Variants in FAT3 observed in about 807,000 individuals in gnomAD.
FAT3 encodes protocadherin Fat 3.
In FAT3, 95 loss-of-function variants were observed where a neutral mutation model predicts 310.2. The ratio of observed to expected loss-of-function variants is 0.31; its 90% CI spans 0.26 to 0.36. The LOEUF (loss-of-function observed/expected upper bound fraction) is 0.36, where lower values mean the gene tolerates loss of function less well. Among genes scored for constraint, FAT3 ranks in the 10% least tolerant of loss-of-function variants. The probability of loss-of-function intolerance (pLI) is 1.00; values close to 1 mark genes in which losing one functional copy is unlikely to be tolerated. For missense variants in FAT3, 5,408 were observed against 5,715.6 expected (o/e 0.95, Z 1.74); for synonymous variants, 2,314 against 2,192.9 (o/e 1.06, Z -1.54).
chr11:92,323,098 C>T (rs971491808), intron 1 of FAT3, among the ~76,000 whole-genome samples: 5 of 152,072 alleles, frequency 3.3e-5, no homozygotes, highest in African/African-American at 1.2e-4. Flanking sequence ...CCATGGGCTG[C>T]ATAGTGGATG....
At chr11:92,717,170 T>G (rs147713307) in intron 4 of FAT3, among the ~76,000 whole-genome samples, 61 of 152,338 alleles carry the variant, frequency 4.0e-4, no homozygotes, top group Non-Finnish European at 6.3e-4. Flanking sequence ...AGTTTCCTTC[T>G]TCACGTCAAA....
At chr11:92,716,802 G>A (rs1458892374) in intron 4 of FAT3, among the ~76,000 whole-genome samples, 3 of 152,158 alleles carry the variant, frequency 2.0e-5, no homozygotes, top group African/African-American at 4.8e-5. Flanking sequence ...GGAAAAGGAG[G>A]GAGGTTTCCC....
At chr11:92,672,186 T>C (rs1013674599) in intron 3 of FAT3, among the ~76,000 whole-genome samples, 37 of 152,202 alleles carry the variant, frequency 2.4e-4, no homozygotes, top group African/African-American at 7.7e-4. Flanking sequence ...GTTTAACTGC[T>C]AACCAAACAG....
At chr11:92,849,861 A>T (rs1282308705) in intron 19 of FAT3, among the ~76,000 whole-genome samples, 1 of 152,150 alleles carries the variant, frequency 6.6e-6, no homozygotes, top group Non-Finnish European at 1.5e-5. Flanking sequence ...CCCCATTCCC[A>T]TGGAGCATGA....
intron 22 of FAT3, among the ~76,000 whole-genome samples, chr11:92,872,482 G>A (rs181067040): frequency 1.3e-4 from 20 of 152,154 alleles, no homozygotes; most frequent in African/African-American, 3.9e-4. Context: ...TTCAGCTTAT[G>A]GAAAAAAATT....
At chr11:92,498,425 G>C in intron 2 of FAT3, 1 of 192,240 alleles carries the variant, frequency 5.2e-6, no homozygotes, top group Non-Finnish European at 1.1e-5. Context: ...CTCAGGTCAT[G>C]ACTTCCTTCA....
chr11:92,674,718 G>A (rs958716282), intron 3 of FAT3, among the ~76,000 whole-genome samples: 1 of 151,762 alleles, frequency 6.6e-6, no homozygotes, highest in Non-Finnish European at 1.5e-5. Flanking sequence ...GTGTGGAGAC[G>A]GGGTCTCGCT....
intron 3 of FAT3, among the ~76,000 whole-genome samples, chr11:92,573,750 A>C (rs1938313786): frequency 6.6e-6 from 1 of 152,026 alleles, no homozygotes; most frequent in Non-Finnish European, 1.5e-5. Flanking sequence ...GGTAGGAGAG[A>C]GTCATGGGAC....
intron 1 of FAT3, among the ~76,000 whole-genome samples, chr11:92,231,097 C>G (rs2134228331): frequency 6.6e-6 from 1 of 152,334 alleles, no homozygotes; most frequent in East Asian, 1.9e-4. Context: ...CCACTATCCC[C>G]TTGTGGTCTC....
At position 92,800,706 on chromosome 11, in the gene FAT3, G is replaced by C. The variant is rs890052107; in HGVS notation, c.7693G>C (p.Glu2565Gln). 5 of 1,613,882 alleles carry C rather than the reference G, an allele frequency of 3.1e-6. No individual in the cohort carries two copies. Among genetic ancestry groups the C allele is most frequent in the Non-Finnish European group, 4.2e-6 (5 of 1,179,834 alleles). The change falls in exon 10 of 28, where the codon GAA becomes CAA. Residue 2565 changes from glutamate to glutamine, a missense_variant. By Grantham distance (29) the Glu-to-Gln change is conservative. Transcript: ENST00000525166. ...TERLDRENPL[E>Q]GDVSIFVRAL... is the part of the protein sequence containing the mutation. ...AAGGCTAGACCGGGAAAACCCTCTA[G>C]AAGGGGATGTTAGTATTTTTGTGAG...
At chr11:92,369,133 T>C (rs755663123) in intron 2 of FAT3, among the ~76,000 whole-genome samples, 11 of 152,142 alleles carry the variant, frequency 7.2e-5, no homozygotes, top group Non-Finnish European at 1.5e-4. Flanking sequence ...GGAAAGAGAA[T>C]AGAAATTTTG....
chr11:92,558,921 A>G (rs1955118388), intron 3 of FAT3, among the ~76,000 whole-genome samples: 1 of 151,998 alleles, frequency 6.6e-6, no homozygotes, highest in South Asian at 2.1e-4. Context: ...AGCCAGAATG[A>G]TTTTCTGGCT....
intron 14 of FAT3, among the ~76,000 whole-genome samples, chr11:92,832,253 T>C (rs2136261625): frequency 6.6e-6 from 1 of 152,266 alleles, no homozygotes; most frequent in Non-Finnish European, 1.5e-5. Flanking sequence ...GGAGAATTAC[T>C]TGAGCCCAGG....
intron 17 of FAT3, among the ~76,000 whole-genome samples, chr11:92,839,577 A>G (rs552884797): frequency 1.2e-4 from 19 of 152,310 alleles, no homozygotes; most frequent in South Asian, 2.1e-4. Context: ...CATGGTTTTC[A>G]TAAGACTAAT....
chr11:92,317,413 G>T (rs1430841438), intron 1 of FAT3, among the ~76,000 whole-genome samples: 1 of 152,186 alleles, frequency 6.6e-6, no homozygotes. Context: ...AGGGGGATTG[G>T]CTAAAGTGCT....
chr11:92,711,426 C>A (rs1173835041), intron 4 of FAT3, among the ~76,000 whole-genome samples: 1 of 152,140 alleles, frequency 6.6e-6, no homozygotes, highest in Non-Finnish European at 1.5e-5. Flanking sequence ...CCCAGCCCCC[C>A]AGGAGGCCCT....
intron 3 of FAT3, among the ~76,000 whole-genome samples, chr11:92,562,738 A>G (rs524321): frequency 6.6e-6 from 1 of 151,966 alleles, no homozygotes; most frequent in Non-Finnish European, 1.5e-5. Flanking sequence ...CAAGAACCAT[A>G]AACTCTGATG....
At chr11:92,427,403 A>G (rs1319141175) in intron 2 of FAT3, among the ~76,000 whole-genome samples, 1 of 152,106 alleles carries the variant, frequency 6.6e-6, no homozygotes, top group Non-Finnish European at 1.5e-5. Context: ...TTCCAATACT[A>G]TGTTGAATAG....
chr11:92,621,109 A>G (rs1337769123), intron 3 of FAT3, among the ~76,000 whole-genome samples: 3 of 152,164 alleles, frequency 2.0e-5, no homozygotes, highest in African/African-American at 7.2e-5. Context: ...CAAACATGCA[A>G]TCCATACAAT....
Sources: allele counts gnomAD v4.1 joint callset (sites outside exome capture counted in the v4.1 genomes callset), GRCh38; gene constraint gnomAD v4.1.1; transcripts MANE v1.5; gene names NCBI Gene and HGNC (gene_info 2026-07-23, HGNC 2026-07-21).